PARP6: variants seen among roughly 807,000 people sequenced by gnomAD.
The protein encoded by PARP6 is protein mono-ADP-ribosyltransferase PARP6.
PARP6 carries 27 observed loss-of-function variants against 92.0 expected under a neutral mutation model. That is an observed-to-expected ratio of 0.29 (90% CI 0.22 to 0.40). The LOEUF is 0.40. Ranked by LOEUF, PARP6 falls within the 10% of genes least tolerant of loss-of-function variation. The pLI is 1.00. For missense variants in PARP6, 501 were observed against 784.5 expected, an observed-to-expected ratio of 0.64 and a Z score of 4.32; for synonymous variants, 272 against 281.2, an observed-to-expected ratio of 0.97 and a Z score of 0.33.
chr15:72,253,393 C>G (rs770804309), intron 16 of PARP6, 44 bp downstream of exon 16: 13 of 1,478,390 alleles, frequency 8.8e-6, no homozygotes, highest in Non-Finnish European at 1.1e-5. Context: ...CAATAACTCC[C>G]TCCCTCCCCA....
chr15:72,248,842 G>C (rs1217607798), intron 20 of PARP6, among the ~76,000 whole-genome samples: 1 of 152,212 alleles, frequency 6.6e-6, no homozygotes, highest in Non-Finnish European at 1.5e-5. Context: ...AGTGTCTCTA[G>C]AAATATAAGC....
Position 72,241,432 on chromosome 15 carries a change from G to A in PARP6, c.*23C>T, listed in dbSNP as rs1567149260. The A allele has an allele frequency of 4.6e-6, 7 of 1,509,724 alleles. No homozygotes were observed. In the Admixed American group the frequency reaches 8.4e-5, roughly 18 times the overall value. The allele number at this position is 1,509,724 out of a possible 1,614,324, so 93.5% of individuals were successfully genotyped here. ...GCAGATGGATCCTGGGGTAACAGGG[G>A]TGGTACGAGGGCTGGGGCCCCCTCA... is the stretch of plus-strand genomic sequence containing the variant. On this transcript the variant is annotated 3_prime_UTR_variant, in exon 24 of 24. Coordinates refer to ENST00000569795, the MANE Select transcript of PARP6 (RefSeq NM_001323532.2). The surrounding 1 kb of genome is among the most constrained non-coding windows in gnomAD (Gnocchi z 4.1).
chr15:72,243,914 T>G (rs961863335), intron 20 of PARP6: 1 of 152,246 alleles, frequency 6.6e-6, no homozygotes, highest in Non-Finnish European at 1.5e-5. Flanking sequence ...ATAGCCATGG[T>G]GTAGAAATAG....
chr15:72,263,126 C>T (rs1018822439), intron 8 of PARP6, among the ~76,000 whole-genome samples: 3 of 152,194 alleles, frequency 2.0e-5, no homozygotes, highest in Non-Finnish European at 2.9e-5. Context: ...TATCATCATC[C>T]TACAAACCTG....
intron 10 of PARP6, 63 bp downstream of exon 10, chr15:72,260,415 C>T: frequency 1.5e-6 from 2 of 1,345,104 alleles, no homozygotes; most frequent in South Asian, 1.2e-5. Flanking sequence ...TGAGAAACTA[C>T]ACTCCCACAG....
intron 2 of PARP6, among the ~76,000 whole-genome samples, chr15:72,269,899 C>CAAAAAA (rs59023007): frequency 2.0e-5 from 2 of 100,220 alleles, no homozygotes; most frequent in African/African-American, 3.6e-5. Context: ...AACTCTGTCT[C>CAAAAAA]AAAAAAAAAA....
chr15:72,254,048 C>T (rs536682190), intron 15 of PARP6: 152 of 463,942 alleles, frequency 3.3e-4, no homozygotes, highest in African/African-American at 2.0e-3. Flanking sequence ...GGATGGTCAC[C>T]GCTCCATGTG....
Position 72,258,130 on chromosome 15 carries a change from G to T in PARP6, c.813C>A (p.Ile271=). 6.2e-7 allele frequency: 1 copy of T among 1,606,052 alleles called. No individual in the cohort carries two copies. Among genetic ancestry groups the T allele is most frequent in the Admixed American group, 1.7e-5 (1 of 60,020 alleles). The part of the protein sequence containing the change: ...PTLEYGFLVQ[I]MKYAEQRIPT... The stretch of plus-strand genomic sequence containing the variant: ...GAATCCTCTGTTCTGCATACTTCAT[G>T]ATCTGAGAAAACAACAGATTCTAAG... The change falls in exon 12 of 24, where the codon ATC becomes ATA. Residue 271 remains isoleucine (I), a splice_region_variant and synonymous_variant. Transcript: ENST00000569795.
At chr15:72,268,191 C>T (rs2086865853) in intron 2 of PARP6, among the ~76,000 whole-genome samples, 1 of 152,164 alleles carries the variant, frequency 6.6e-6, no homozygotes, top group Non-Finnish European at 1.5e-5. Context: ...TGCTGTTCTA[C>T]TTAAACTGGA....
At chr15:72,267,033 G>A in intron 3 of PARP6, 1 of 542,678 alleles carries the variant, frequency 1.8e-6, no homozygotes, top group Non-Finnish European at 3.3e-6. Context: ...GCTCTTAGTG[G>A]GACAGAGGAA....
intron 2 of PARP6, among the ~76,000 whole-genome samples, chr15:72,269,912 A>G (rs2087145240): frequency 6.6e-6 from 1 of 151,918 alleles, no homozygotes; most frequent in South Asian, 2.1e-4. Context: ...AAAAAAAAAA[A>G]AAAAAAGAAA....
intron 9 of PARP6, among the ~76,000 whole-genome samples, chr15:72,260,891 G>A (rs2085786028): frequency 6.6e-6 from 1 of 152,202 alleles, no homozygotes; most frequent in Non-Finnish European, 1.5e-5. Flanking sequence ...GTCATCATCT[G>A]TGGGTTCTTC....
At chr15:72,253,789 A>C (rs1472015561) in intron 15 of PARP6, 2 of 570,014 alleles carry the variant, frequency 3.5e-6, no homozygotes, top group African/African-American at 3.7e-5. Flanking sequence ...AAATCAAAAA[A>C]TAAATAAAAT....
chr15:72,268,652 C>T (rs148649588), intron 2 of PARP6, among the ~76,000 whole-genome samples: 3 of 152,274 alleles, frequency 2.0e-5, no homozygotes, highest in African/African-American at 7.2e-5. Context: ...GAGCCTAGAT[C>T]ACGCCACTGC....
At chr15:72,249,019 G>A in intron 20 of PARP6, 1 of 366,952 alleles carries the variant, frequency 2.7e-6, no homozygotes, top group Admixed American at 4.5e-5. Context: ...CCAAGCCCCT[G>A]CTATGAATAA....
Position 72,256,609 on chromosome 15 carries a change from A to C in PARP6, c.1000-19T>G. 1 of 1,512,282 alleles carries C rather than the reference A, an allele frequency of 6.6e-7. No homozygotes were observed. Among genetic ancestry groups the C allele is most frequent in the Non-Finnish European group, 8.8e-7 (1 of 1,132,820 alleles). 93.7% of individuals were successfully genotyped at this position (1,512,282 alleles called of 1,614,324 possible). A position where few individuals can be genotyped will look rare whatever the true frequency, so the allele number is the denominator to read the frequency against. ...CCACCACCTTAGGGGAAAGGAAAAAAAACAGGGCAGAAGCTAAATGATTTC... is the reference window on the plus strand; with the variant it reads ...CCACCACCTTAGGGGAAAGGAAAAACAACAGGGCAGAAGCTAAATGATTTC... On this transcript the variant is annotated intron_variant, in intron 13 of 23. Transcript: ENST00000569795.
intron 14 of PARP6, 100 bp downstream of exon 14, chr15:72,256,365 C>T: frequency 2.1e-6 from 2 of 964,148 alleles, no homozygotes; most frequent in Non-Finnish European, 2.8e-6. Context: ...GAATTCTGTC[C>T]CTTATTCCAA....
At chr15:72,254,668 C>A in intron 14 of PARP6, 148 bp from the exon 15 acceptor site, 2 of 625,240 alleles carry the variant, frequency 3.2e-6, no homozygotes, top group Admixed American at 2.8e-5. Flanking sequence ...TCAGACAGTT[C>A]TAGGGGCACA....
At chr15:72,246,780 A>G (rs1234153177) in intron 20 of PARP6, among the ~76,000 whole-genome samples, 1 of 149,178 alleles carries the variant, frequency 6.7e-6, no homozygotes, top group Non-Finnish European at 1.5e-5. Context: ...TTTGAGATGG[A>G]GTCTTGCTCT....
Sources: allele counts gnomAD v4.1 joint callset (sites outside exome capture counted in the v4.1 genomes callset), GRCh38; gene constraint gnomAD v4.1.1; non-coding constraint Gnocchi (gnomAD v3.1); transcripts MANE v1.5; gene names NCBI Gene and HGNC (gene_info 2026-07-23, HGNC 2026-07-21).